The following ZDHHC15 variants were observed in gnomAD, a reference collection of about 807,000 sequenced individuals.
The protein encoded by ZDHHC15 is zDHHC palmitoyltransferase 15.
ZDHHC15 carries 19 observed loss-of-function variants against 31.7 expected under a neutral mutation model. The observed-to-expected ratio is 0.60, with a 90% confidence interval of 0.42 to 0.88. The LOEUF (loss-of-function observed/expected upper bound fraction) is 0.88, where lower values mean the gene tolerates loss of function less well. Ranked by LOEUF, ZDHHC15 falls within the 40% of genes least tolerant of loss-of-function variation. The pLI, the probability that ZDHHC15 is intolerant of heterozygous loss-of-function variation, is 0.00. For missense variants in ZDHHC15, 209 were observed against 251.2 expected (o/e 0.83, Z 1.14); for synonymous variants, 103 against 90.0 (o/e 1.14, Z -0.82).
At chrX:75,495,756 G>C (rs1187527905) in intron 2 of ZDHHC15, among the ~76,000 whole-genome samples, 15 of 85,587 alleles carry the variant, frequency 1.8e-4, no homozygotes, top group African/African-American at 6.8e-4. Flanking sequence ...ACAGGAAGGG[G>C]AACATCATAC....
rs181374737 is a variant in ZDHHC15, at chrX:75,399,500, G to A, written c.967+17587C>T. ...CTTGGGCATAAACCCTTCACCTTGG[G>A]CTGACTGCACTGAGCAATTGCTGAC... On this transcript the variant is annotated intron_variant, in intron 10 of 11. Coordinates refer to ENST00000373367, the MANE Select transcript of ZDHHC15 (RefSeq NM_144969.3). Among the ~76,000 whole-genome samples, 27 of 111,818 alleles carry A rather than the reference G, an allele frequency of 2.4e-4. No individual in the cohort carries two copies. The East Asian group carries it at 7.1e-3, about 29-fold the overall frequency.
intron 1 of ZDHHC15, among the ~76,000 whole-genome samples, chrX:75,506,104 T>A (rs2085157370): frequency 8.9e-6 from 1 of 111,824 alleles, no homozygotes; most frequent in Non-Finnish European, 1.9e-5. Flanking sequence ...AGCTGCTTAA[T>A]CAAGATTATT....
intron 2 of ZDHHC15, among the ~76,000 whole-genome samples, chrX:75,482,123 C>T (rs1263893037): frequency 2.7e-5 from 3 of 110,450 alleles, no homozygotes; most frequent in Non-Finnish European, 3.8e-5. Context: ...ATGGAGACTA[C>T]TGTGTTGGGG....
At chrX:75,518,513 C>T (rs910714782) in intron 1 of ZDHHC15, among the ~76,000 whole-genome samples, 2 of 108,351 alleles carry the variant, frequency 1.8e-5, no homozygotes, top group Non-Finnish European at 3.8e-5. Flanking sequence ...CAAATTGGAA[C>T]CCTTCTGTGC....
intron 1 of ZDHHC15, among the ~76,000 whole-genome samples, chrX:75,518,522 G>C (rs942454898): frequency 9.2e-6 from 1 of 108,354 alleles, no homozygotes; most frequent in African/African-American, 3.4e-5. Context: ...ACCCTTCTGT[G>C]CTGCTTGATG....
At chrX:75,437,214 T>G (rs2083866072) in intron 4 of ZDHHC15, among the ~76,000 whole-genome samples, 1 of 111,271 alleles carries the variant, frequency 9.0e-6, no homozygotes, top group Non-Finnish European at 1.9e-5. Flanking sequence ...TTTGTTCTAG[T>G]GTGTAGTTTA....
intron 9 of ZDHHC15, among the ~76,000 whole-genome samples, chrX:75,419,483 A>G (rs1439998082): frequency 1.8e-5 from 2 of 110,770 alleles, no homozygotes; most frequent in Non-Finnish European, 3.8e-5. Flanking sequence ...AAATAGGAAC[A>G]CTTTTATACT....
intron 9 of ZDHHC15, among the ~76,000 whole-genome samples, 174 bp downstream of exon 9, chrX:75,421,690 C>T (rs2083643796): frequency 9.5e-6 from 1 of 105,745 alleles, no homozygotes; most frequent in Non-Finnish European, 1.9e-5. Context: ...ATGAGAATAT[C>T]TATTTTATCA....
At chrX:75,470,718 C>G (rs993912641) in intron 3 of ZDHHC15, among the ~76,000 whole-genome samples, 1 of 111,238 alleles carries the variant, frequency 9.0e-6, no homozygotes, top group East Asian at 2.8e-4. Context: ...AGTGGGTCCC[C>G]GGACTCATCT....
rs1387842031 is a variant in ZDHHC15, at chrX:75,372,073, C to T, written c.*905G>A. ...ATCACTCTGAAAACCCTTAACAAAA[C>T]CTATGGGCCATAACTTAGGCTTATA... On this transcript the variant is annotated 3_prime_UTR_variant, in exon 12 of 12. Transcript: ENST00000373367. The T allele has an allele frequency of 5.4e-5, 6 of 111,646 alleles. No individual in the cohort carries two copies. In the Admixed American group the frequency reaches 5.7e-4, roughly 11 times the overall value. The allele number at this position is 111,646 out of a possible 1,213,427, so 9.2% of individuals were successfully genotyped here.
intron 4 of ZDHHC15, among the ~76,000 whole-genome samples, chrX:75,446,812 A>T (rs1273363879): frequency 9.0e-6 from 1 of 111,535 alleles, no homozygotes; most frequent in East Asian, 2.8e-4. Flanking sequence ...CACTAATCAC[A>T]TTCATGAGGG....
intron 10 of ZDHHC15, among the ~76,000 whole-genome samples, chrX:75,382,264 G>A (rs1007520731): frequency 8.9e-6 from 1 of 112,141 alleles, no homozygotes; most frequent in Admixed American, 9.5e-5. Context: ...TGATTGATTA[G>A]AGACTTGCGT....
chrX:75,387,789 A>G (rs1021252763), intron 10 of ZDHHC15, among the ~76,000 whole-genome samples: 1 of 111,953 alleles, frequency 8.9e-6, no homozygotes, highest in Non-Finnish European at 1.9e-5. Context: ...AAAGATAAAT[A>G]TCCAGGTATA....
chrX:75,421,133 C>T (rs2083622002), intron 9 of ZDHHC15, among the ~76,000 whole-genome samples: 1 of 104,407 alleles, frequency 9.6e-6, no homozygotes. Context: ...TGCTGCTTCT[C>T]TTCTATATAT....
At chrX:75,401,010 C>A (rs1357002765) in intron 10 of ZDHHC15, among the ~76,000 whole-genome samples, 1 of 110,403 alleles carries the variant, frequency 9.1e-6, no homozygotes, top group Non-Finnish European at 1.9e-5. Context: ...AGACTGCTAC[C>A]AGTGAATAGT....
At chrX:75,401,375 C>T (rs1428607917) in intron 10 of ZDHHC15, among the ~76,000 whole-genome samples, 1 of 111,501 alleles carries the variant, frequency 9.0e-6, no homozygotes, top group Admixed American at 9.5e-5. Flanking sequence ...ATGACAGGAT[C>T]AAATTCACAC....
chrX:75,454,067 A>G (rs977591193), intron 3 of ZDHHC15, among the ~76,000 whole-genome samples: 9 of 111,577 alleles, frequency 8.1e-5, no homozygotes, highest in African/African-American at 2.9e-4. Context: ...CGAAATAAAG[A>G]GTATTCAAAT....
At chrX:75,490,215 A>G (rs1602718635) in intron 2 of ZDHHC15, among the ~76,000 whole-genome samples, 2 of 111,691 alleles carry the variant, frequency 1.8e-5, no homozygotes, top group East Asian at 5.7e-4. Flanking sequence ...GCAGGCCAAC[A>G]TTCAAATTCA....
chrX:75,478,432 G>C (rs1289872003), intron 3 of ZDHHC15, among the ~76,000 whole-genome samples: 1 of 111,218 alleles, frequency 9.0e-6, no homozygotes, highest in African/African-American at 3.3e-5. Context: ...ACTCAGGCTG[G>C]AGTGTAGTGG....
Sources: gnomAD v4.1 joint callset for allele counts (sites outside exome capture counted in the v4.1 genomes callset) on GRCh38, gnomAD v4.1.1 for gene constraint, MANE v1.5 for transcripts, NCBI Gene and HGNC (gene_info 2026-07-23, HGNC 2026-07-21) for gene names.